Variants in SLC35F4 observed in about 807,000 individuals in gnomAD.
SLC35F4 encodes the protein solute carrier family 35 member F4.
SLC35F4 carries 24 observed loss-of-function variants against 44.2 expected under a neutral mutation model. That is an observed-to-expected ratio of 0.54 (90% CI 0.39 to 0.76). The LOEUF (loss-of-function observed/expected upper bound fraction) is 0.76. Among genes scored for constraint, SLC35F4 ranks in the 30% least tolerant of loss-of-function variants. The probability of loss-of-function intolerance (pLI) is 0.00; values close to 1 mark genes in which losing one functional copy is unlikely to be tolerated. For synonymous variants in SLC35F4, 238 were observed against 223.6 expected, an observed-to-expected ratio of 1.06 and a Z score of -0.57; for missense variants, 562 against 586.1, an observed-to-expected ratio of 0.96 and a Z score of 0.42.
Position 57,659,100 on chromosome 14 carries a change from T to A in SLC35F4, c.104-64976A>T, listed in dbSNP as rs558269199. ...TTAAATCAGAAGAATTCAGAAAGAT[T>A]CCTTCAGTTTTCTACTTTCTCAGGC... On this transcript the variant is annotated intron_variant, in intron 1 of 7. Coordinates refer to ENST00000556826, the MANE Select transcript of SLC35F4 (RefSeq NM_001306087.2). Among the ~76,000 whole-genome samples, 7 of 152,288 alleles carry A rather than the reference T, an allele frequency of 4.6e-5. No homozygotes were observed. The South Asian group carries it at 1.5e-3, about 32-fold the overall frequency.
At chr14:57,840,833 GT>G (rs1367955948) in intron 1 of SLC35F4, among the ~76,000 whole-genome samples, 1 of 152,128 alleles carries the variant, frequency 6.6e-6, no homozygotes, top group Non-Finnish European at 1.5e-5. Context: ...TTAAGCCATG[GT>G]TATTAATGTT....
At chr14:57,570,422 A>AAAT (rs1427061264) in intron 5 of SLC35F4, among the ~76,000 whole-genome samples, 1 of 152,188 alleles carries the variant, frequency 6.6e-6, no homozygotes, top group Non-Finnish European at 1.5e-5. Flanking sequence ...TTGTTGAGAG[A>AAAT]AATAGTATTT....
intron 1 of SLC35F4, among the ~76,000 whole-genome samples, chr14:57,605,787 A>G (rs1368876883): frequency 6.6e-6 from 1 of 152,206 alleles, no homozygotes; most frequent in African/African-American, 2.4e-5. Context: ...GCCACAAAAG[A>G]GAATGAAATC....
chr14:57,872,292 T>A (rs546263497), intron 1 of SLC35F4, among the ~76,000 whole-genome samples: 11 of 152,236 alleles, frequency 7.2e-5, no homozygotes, highest in Non-Finnish European at 1.5e-4. Flanking sequence ...AACTTGCTTT[T>A]TAAATGCCCT....
intron 1 of SLC35F4, among the ~76,000 whole-genome samples, chr14:57,887,652 T>C (rs1888677668): frequency 6.6e-6 from 1 of 152,068 alleles, no homozygotes; most frequent in African/African-American, 2.4e-5. Flanking sequence ...GGGTCCCTTT[T>C]CTCTCCTGCT....
chr14:57,802,814 C>T (rs1440855202), intron 1 of SLC35F4, among the ~76,000 whole-genome samples: 3 of 151,870 alleles, frequency 2.0e-5, no homozygotes, highest in African/African-American at 7.3e-5. Context: ...GAAATTGAGG[C>T]AGTAATAAGT....
intron 1 of SLC35F4, among the ~76,000 whole-genome samples, chr14:57,874,294 T>G (rs985097043): frequency 2.6e-5 from 4 of 152,236 alleles, no homozygotes; most frequent in African/African-American, 9.6e-5. Flanking sequence ...CGACAGTGCA[T>G]ACTTAAGTTC....
At chr14:57,621,372 C>T (rs1249033119) in intron 1 of SLC35F4, among the ~76,000 whole-genome samples, 2 of 151,924 alleles carry the variant, frequency 1.3e-5, no homozygotes, top group East Asian at 3.9e-4. Context: ...CAATCCCAAG[C>T]CAAAAGAACA....
chr14:57,883,849 T>G (rs1055448704), intron 1 of SLC35F4, among the ~76,000 whole-genome samples: 12 of 152,208 alleles, frequency 7.9e-5, no homozygotes, highest in African/African-American at 2.9e-4. Flanking sequence ...GCTATTCACC[T>G]TCTAATCTTT....
At chr14:57,612,975 G>T (rs773843629) in intron 1 of SLC35F4, among the ~76,000 whole-genome samples, 5 of 152,186 alleles carry the variant, frequency 3.3e-5, no homozygotes, top group Non-Finnish European at 7.3e-5. Context: ...GCATCTTTGA[G>T]ACGTGAGCAT....
chr14:57,842,813 C>A (rs1885614431), intron 1 of SLC35F4, among the ~76,000 whole-genome samples: 1 of 152,106 alleles, frequency 6.6e-6, no homozygotes, highest in Non-Finnish European at 1.5e-5. Flanking sequence ...GAGGGTGTTG[C>A]CAAAGATGAT....
intron 1 of SLC35F4, among the ~76,000 whole-genome samples, chr14:57,919,743 G>A (rs2141056956): frequency 6.6e-6 from 1 of 152,272 alleles, no homozygotes; most frequent in Admixed American, 6.5e-5. Flanking sequence ...GAAGGCCAAT[G>A]GGAAGCCCAG....
chr14:57,662,309 C>T (rs189034838), intron 1 of SLC35F4, among the ~76,000 whole-genome samples: 190 of 152,158 alleles, frequency 1.2e-3, no homozygotes, highest in Middle Eastern at 3.4e-3. Context: ...TAGAGCATGC[C>T]GTGATTTGAA....
At chr14:57,674,024 T>A (rs1448472961) in intron 1 of SLC35F4, among the ~76,000 whole-genome samples, 1 of 152,070 alleles carries the variant, frequency 6.6e-6, no homozygotes, top group African/African-American at 2.4e-5. Flanking sequence ...TCAGTGTCAT[T>A]AAGTAATTAG....
downstream of SLC35F4, among the ~76,000 whole-genome samples, chr14:57,976,334 T>C (rs1435554929): frequency 2.6e-5 from 4 of 152,184 alleles, no homozygotes; most frequent in Admixed American, 2.6e-4. Flanking sequence ...GGAGGCCAGA[T>C]GATAAATGAA....
chr14:57,585,333 T>C (rs1305403490), intron 3 of SLC35F4, among the ~76,000 whole-genome samples: 1 of 152,140 alleles, frequency 6.6e-6, no homozygotes, highest in African/African-American at 2.4e-5. Context: ...GGATGGAACG[T>C]ATCTATCTCA....
intron 1 of SLC35F4, among the ~76,000 whole-genome samples, chr14:57,614,815 C>G (rs1343528482): frequency 6.6e-6 from 1 of 152,128 alleles, no homozygotes; most frequent in Non-Finnish European, 1.5e-5. Flanking sequence ...ATGAAGATAG[C>G]TTGGTTCCTG....
chr14:57,586,833 C>T (rs2069774801), intron 3 of SLC35F4, among the ~76,000 whole-genome samples: 1 of 149,178 alleles, frequency 6.7e-6, no homozygotes, highest in Admixed American at 6.7e-5. Context: ...AGCTTCTGCA[C>T]AGCAAAAGAA....
chr14:57,741,349 T>C (rs1244167590), intron 1 of SLC35F4, among the ~76,000 whole-genome samples: 1 of 152,092 alleles, frequency 6.6e-6, no homozygotes, highest in African/African-American at 2.4e-5. Flanking sequence ...TGAAAAAAGA[T>C]TAGACAAATG....
Sources: allele counts gnomAD v4.1 joint callset (sites outside exome capture counted in the v4.1 genomes callset), GRCh38; gene constraint gnomAD v4.1.1; transcripts MANE v1.5; gene names NCBI Gene and HGNC (gene_info 2026-07-23, HGNC 2026-07-21).